Variants in KCNQ5 observed in about 807,000 individuals in gnomAD.
The protein encoded by KCNQ5 is potassium voltage-gated channel subfamily Q member 5.
In KCNQ5, 30 loss-of-function variants were observed where a neutral mutation model predicts 98.2. The observed-to-expected ratio is 0.31, with a 90% CI of 0.23 to 0.41. The LOEUF (loss-of-function observed/expected upper bound fraction) is 0.41. Among genes scored for constraint, KCNQ5 ranks in the 10% least tolerant of loss-of-function variants. KCNQ5 has a pLI of 1.00. For synonymous variants in KCNQ5, 458 were observed against 449.4 expected, an observed-to-expected ratio of 1.02 and a Z score of -0.24; for missense variants, 835 against 1,182.5, an observed-to-expected ratio of 0.71 and a Z score of 4.31.
chr6:73,108,453 A>G (rs1450879481), intron 6 of KCNQ5, among the ~76,000 whole-genome samples: 1 of 152,244 alleles, frequency 6.6e-6, no homozygotes, highest in Non-Finnish European at 1.5e-5. Flanking sequence ...TCCATTAAAA[A>G]TATTGGCCAC....
intron 12 of KCNQ5, 109 bp downstream of exon 12, chr6:73,190,813 T>C: frequency 1.6e-6 from 1 of 628,958 alleles, no homozygotes. Context: ...TTCATTCATT[T>C]TTAGTGGGCA....
chr6:73,167,059 C>T (rs1241420549), intron 10 of KCNQ5, among the ~76,000 whole-genome samples: 1 of 152,112 alleles, frequency 6.6e-6, no homozygotes, highest in Admixed American at 6.5e-5. Context: ...GAGCAGGTTA[C>T]AATAAAATCA....
intron 1 of KCNQ5, among the ~76,000 whole-genome samples, chr6:72,813,611 AG>A (rs35098306): frequency 0.2 from 30,313 of 151,990 alleles, 3,231 homozygotes; most frequent in South Asian, 0.37. Context: ...GGTGTCCAAG[AG>A]GTATTGATTC....
chr6:73,093,287 T>C (rs972199735), intron 5 of KCNQ5, among the ~76,000 whole-genome samples: 8 of 152,128 alleles, frequency 5.3e-5, no homozygotes, highest in African/African-American at 1.9e-4. Flanking sequence ...TAATTTGCAT[T>C]TTCTCTCTTC....
chr6:73,106,958 A>C (rs1775025186), intron 6 of KCNQ5, among the ~76,000 whole-genome samples: 1 of 76,840 alleles, frequency 1.3e-5, no homozygotes, highest in African/African-American at 4.7e-5. Context: ...AAATGATGAA[A>C]TCCAGGAGAA....
At chr6:72,698,131 C>T (rs1186449168) in intron 1 of KCNQ5, among the ~76,000 whole-genome samples, 1 of 152,090 alleles carries the variant, frequency 6.6e-6, no homozygotes, top group Non-Finnish European at 1.5e-5. Flanking sequence ...AAGTCAGTAG[C>T]TTCAGAATAA....
chr6:73,126,026 A>G (rs1775977103), intron 9 of KCNQ5, among the ~76,000 whole-genome samples: 1 of 152,234 alleles, frequency 6.6e-6, no homozygotes, highest in South Asian at 2.1e-4. Context: ...TCTAGATTCC[A>G]TACAGAGCTC....
intron 1 of KCNQ5, among the ~76,000 whole-genome samples, chr6:72,632,374 C>T (rs2098921436): frequency 6.6e-6 from 1 of 152,016 alleles, no homozygotes; most frequent in African/African-American, 2.4e-5. Context: ...ATCTCCTGAC[C>T]TCGTGATCCG....
At chr6:73,037,799 G>A (rs1195922889) in intron 2 of KCNQ5, among the ~76,000 whole-genome samples, 6 of 152,184 alleles carry the variant, frequency 3.9e-5, no homozygotes, top group South Asian at 2.1e-4. Context: ...TTAATATCAG[G>A]TAAAGTGATT....
chr6:73,072,447 T>A (rs1773337928), intron 3 of KCNQ5, among the ~76,000 whole-genome samples: 1 of 152,204 alleles, frequency 6.6e-6, no homozygotes, highest in Non-Finnish European at 1.5e-5. Context: ...GATGTACAAT[T>A]GGCCTTGCTC....
rs577519485 is a variant in KCNQ5 at position 72,890,372 on chromosome 6, G to T, written c.399-113536G>T. 6.7e-5 allele frequency among the ~76,000 whole-genome samples: 10 copies of T among 150,204 alleles called. No individual in the cohort carries two copies. The South Asian group carries it at 1.4e-3, about 21-fold the overall frequency. On this transcript the variant is annotated intron_variant, in intron 1 of 13. Transcript: ENST00000370398. ...TATTGTTAACTATAGGTACTATATT[G>T]TACAGCAGATCTCTAGAACTTACTC... is the stretch of plus-strand genomic sequence containing the variant.
chr6:73,021,307 T>C (rs1262353125), intron 2 of KCNQ5, among the ~76,000 whole-genome samples: 7 of 152,230 alleles, frequency 4.6e-5, no homozygotes, highest in Non-Finnish European at 7.3e-5. Flanking sequence ...TATTTGTTAG[T>C]AGTCTATGTA....
At chr6:72,648,969 G>A (rs779123563) in intron 1 of KCNQ5, among the ~76,000 whole-genome samples, 3 of 152,122 alleles carry the variant, frequency 2.0e-5, no homozygotes, top group Non-Finnish European at 4.4e-5. Context: ...TTAGTTCAGA[G>A]ATCCTCAGTT....
At chr6:72,662,795 AG>A (rs1249775817) in intron 1 of KCNQ5, among the ~76,000 whole-genome samples, 1 of 152,196 alleles carries the variant, frequency 6.6e-6, no homozygotes, top group Non-Finnish European at 1.5e-5. Flanking sequence ...GAGAAAAACA[AG>A]GCTATTTTGA....
intron 11 of KCNQ5, among the ~76,000 whole-genome samples, chr6:73,190,278 C>T (rs925370770): frequency 6.6e-6 from 1 of 152,076 alleles, no homozygotes; most frequent in African/African-American, 2.4e-5. Context: ...GTTAGAATTG[C>T]ATTTTGACTT....
At chr6:73,058,715 A>C (rs570196113) in intron 3 of KCNQ5, among the ~76,000 whole-genome samples, 1 of 152,234 alleles carries the variant, frequency 6.6e-6, no homozygotes, top group Admixed American at 6.5e-5. Flanking sequence ...CAAATTTATA[A>C]GCAAAAAAAC....
intron 1 of KCNQ5, among the ~76,000 whole-genome samples, chr6:72,854,431 GAA>G (rs11321661): frequency 4.8e-4 from 73 of 150,978 alleles, no homozygotes; most frequent in Non-Finnish European, 8.1e-4. Flanking sequence ...AGCTTTATTA[GAA>G]AAAAAATTTC....
At chr6:72,648,781 TTTTTTTTTTA>T (rs1205281583) in intron 1 of KCNQ5, among the ~76,000 whole-genome samples, 7 of 137,406 alleles carry the variant, frequency 5.1e-5, no homozygotes, top group Admixed American at 4.8e-4. Context: ...TTCATTTTTT[TTTTTTTTTTA>T]ATTCTCAGAG....
At chr6:72,943,003 AT>A (rs1562083843) in intron 1 of KCNQ5, among the ~76,000 whole-genome samples, 1 of 152,152 alleles carries the variant, frequency 6.6e-6, no homozygotes. Flanking sequence ...TAAATAATCG[AT>A]TTTTTTATCC....
Sources: gnomAD v4.1 joint callset for allele counts (sites outside exome capture counted in the v4.1 genomes callset) on GRCh38, gnomAD v4.1.1 for gene constraint, MANE v1.5 for transcripts, NCBI Gene and HGNC (gene_info 2026-07-23, HGNC 2026-07-21) for gene names.